The following KSR2 variants were observed in gnomAD, a reference collection of about 807,000 sequenced individuals.
KSR2 encodes kinase suppressor of ras 2.
KSR2 carries 25 observed loss-of-function variants against 107.8 expected under a neutral mutation model. The observed-to-expected ratio is 0.23, with a 90% CI of 0.17 to 0.32. The LOEUF is 0.32. Ranked by LOEUF, KSR2 falls within the 10% of genes least tolerant of loss-of-function variation. The pLI, the probability that KSR2 is intolerant of heterozygous loss-of-function variation, is 1.00. For synonymous variants in KSR2, 480 were observed against 507.0 expected, an observed-to-expected ratio of 0.95 and a Z score of 0.71; for missense variants, 887 against 1,268.9, an observed-to-expected ratio of 0.70 and a Z score of 4.57.
At chr12:117,619,476 C>T (rs553387571) in intron 5 of KSR2, among the ~76,000 whole-genome samples, 63 of 151,754 alleles carry the variant, frequency 4.2e-4, no homozygotes, top group African/African-American at 1.5e-3. Context: ...GTTATTTGTC[C>T]TTGCGATAGT....
chr12:117,936,878 G>A lies in KSR2; in HGVS notation c.180+31198C>T, dbSNP rs2137519480. Among the ~76,000 whole-genome samples, 3 of 152,264 alleles carry A rather than the reference G, an allele frequency of 2.0e-5. No homozygotes were observed. In the South Asian group the frequency reaches 6.2e-4, roughly 32 times the overall value. On this transcript the variant is annotated intron_variant, in intron 1 of 19. Coordinates refer to ENST00000339824, the MANE Select transcript of KSR2 (RefSeq NM_173598.6). ...GGAAACCATAAGCTGGGATGAAGCT[G>A]ACCCAGGAAAAAGGAAACAGGTCTG...
At chr12:117,829,666 G>C (rs1344860304) in intron 3 of KSR2, among the ~76,000 whole-genome samples, 3 of 152,156 alleles carry the variant, frequency 2.0e-5, no homozygotes, top group Non-Finnish European at 2.9e-5. Context: ...TAAAGGACTG[G>C]ACAGTAAAGA....
At chr12:117,894,815 G>GT (rs1894459834) in intron 1 of KSR2, among the ~76,000 whole-genome samples, 1 of 149,902 alleles carries the variant, frequency 6.7e-6, no homozygotes, top group Non-Finnish European at 1.5e-5. Context: ...CGCCATGATT[G>GT]TAAGTTTCCT....
At chr12:117,552,295 G>T (rs1877366581) in intron 9 of KSR2, among the ~76,000 whole-genome samples, 2 of 152,198 alleles carry the variant, frequency 1.3e-5, no homozygotes, top group Non-Finnish European at 2.9e-5. Flanking sequence ...AACTGTCTGA[G>T]GTTAGTGTTC....
chr12:117,857,858 G>T (rs2137234204), intron 2 of KSR2, among the ~76,000 whole-genome samples: 1 of 152,212 alleles, frequency 6.6e-6, no homozygotes, highest in Non-Finnish European at 1.5e-5. Context: ...TCACAGAAAG[G>T]GGACCTCTGG....
chr12:117,604,986 T>C (rs1881147847), intron 5 of KSR2, among the ~76,000 whole-genome samples: 1 of 152,206 alleles, frequency 6.6e-6, no homozygotes, highest in Non-Finnish European at 1.5e-5. Flanking sequence ...TAGCAACTAA[T>C]TCAGGGGAAA....
At chr12:117,679,253 C>T (rs951578011) in intron 4 of KSR2, among the ~76,000 whole-genome samples, 3 of 152,186 alleles carry the variant, frequency 2.0e-5, no homozygotes, top group Non-Finnish European at 2.9e-5. Context: ...GCACCATGCA[C>T]GGAGCGTTTC....
chr12:117,625,251 T>G (rs7307430), intron 5 of KSR2, among the ~76,000 whole-genome samples: 1 of 152,128 alleles, frequency 6.6e-6, no homozygotes, highest in East Asian at 1.9e-4. Flanking sequence ...TGAATAGAAG[T>G]GGTGAGAGAG....
intron 4 of KSR2, among the ~76,000 whole-genome samples, chr12:117,705,188 C>T (rs1284573143): frequency 6.6e-6 from 1 of 152,098 alleles, no homozygotes; most frequent in East Asian, 1.9e-4. Flanking sequence ...TGATAAGATG[C>T]CCACAGCCTA....
chr12:117,769,507 C>T (rs1190124508), intron 3 of KSR2, among the ~76,000 whole-genome samples: 2 of 152,204 alleles, frequency 1.3e-5, no homozygotes, highest in African/African-American at 4.8e-5. Flanking sequence ...CCCTAAAATT[C>T]CTCACTGTGA....
At position 117,907,371 on chromosome 12, in the gene KSR2, C is replaced by A. The variant is rs1353718028; in HGVS notation, c.181-46940G>T. On this transcript the variant is annotated intron_variant, in intron 1 of 19. Coordinates refer to ENST00000339824, the MANE Select transcript of KSR2 (RefSeq NM_173598.6). This position sits in a 1 kb window ranked among gnomAD's most constrained non-coding sequence, Gnocchi z 4.3. ...TTTATAAAGCTCAAGGAAATGAGTC[C>A]TCCATCCTGTGAATCCAGGTGTGCT... 6.6e-6 allele frequency among the ~76,000 whole-genome samples: 1 copy of A among 152,110 alleles called. No individual in the cohort carries two copies. The highest frequency in any genetic ancestry group is 1.5e-5 in the Non-Finnish European group (1 of 68,032).
At chr12:117,794,747 G>A (rs146593289) in intron 3 of KSR2, among the ~76,000 whole-genome samples, 1 of 151,898 alleles carries the variant, frequency 6.6e-6, no homozygotes, top group African/African-American at 2.4e-5. Context: ...ATACCAACAT[G>A]CATACACACA....
At chr12:117,596,540 T>C (rs1017771900) in intron 5 of KSR2, among the ~76,000 whole-genome samples, 5 of 152,192 alleles carry the variant, frequency 3.3e-5, no homozygotes, top group Non-Finnish European at 7.3e-5. Flanking sequence ...TGTCAGGGCC[T>C]TTTCACTATT....
At chr12:117,947,240 A>C (rs867070874) in intron 1 of KSR2, among the ~76,000 whole-genome samples, 1 of 122,478 alleles carries the variant, frequency 8.2e-6, no homozygotes, top group East Asian at 2.4e-4. Flanking sequence ...AAAGAAAGAA[A>C]GAAAGAAAGA....
intron 3 of KSR2, among the ~76,000 whole-genome samples, chr12:117,840,774 G>T (rs1892437810): frequency 6.6e-6 from 1 of 152,046 alleles, no homozygotes; most frequent in Middle Eastern, 3.2e-3. Context: ...AGGCCGAGGT[G>T]GGCGAATCAC....
intron 4 of KSR2, among the ~76,000 whole-genome samples, chr12:117,727,986 T>A (rs1887505246): frequency 6.6e-6 from 1 of 152,102 alleles, no homozygotes; most frequent in Non-Finnish European, 1.5e-5. Context: ...TATGATGGCA[T>A]TTACGTGAAG....
In KSR2 at chr12:117,485,595, C is replaced by T; in HGVS notation, c.2316G>A (p.Lys772=). Residue 772 remains lysine, a splice_region_variant and synonymous_variant, in exon 15 of 20, where the codon AAG becomes AAA. Coordinates refer to ENST00000339824, the MANE Select transcript of KSR2 (RefSeq NM_173598.6). ...TAGGAGGCCCAAGAGCCGACAGTAC[C>T]TTCACAATTTCTTGAGCAATCTGCC... The part of the protein sequence containing the change: ...KTRQIAQEIV[K]GMGYLHAKGI... The T allele has an allele frequency of 1.2e-6, 2 of 1,612,856 alleles. No homozygotes were observed. The highest frequency in any genetic ancestry group is 2.2e-5 in the South Asian group (2 of 91,052).
intron 5 of KSR2, among the ~76,000 whole-genome samples, chr12:117,643,944 A>G (rs756268664): frequency 1.3e-5 from 2 of 152,276 alleles, no homozygotes; most frequent in Non-Finnish European, 2.9e-5. Context: ...TGAATGAATG[A>G]TCCTTGGATG....
chr12:117,575,724 T>A lies in KSR2; in HGVS notation c.1325+3395A>T, dbSNP rs868242877. Among the ~76,000 whole-genome samples the A allele has an allele frequency of 9.9e-4, 151 of 152,322 alleles. 1 individual carries two copies. Among genetic ancestry groups the A allele is most frequent in the African/African-American group, 3.5e-3 (145 of 41,570 alleles). ...ACTCCTGAAGCATGTCAGATCTTCA[T>A]GTTTTGAATTTTTGGTTTTGAATTT... On this transcript the variant is annotated intron_variant, in intron 7 of 19. Coordinates refer to ENST00000339824, the MANE Select transcript of KSR2 (RefSeq NM_173598.6).
Sources: allele counts gnomAD v4.1 joint callset (sites outside exome capture counted in the v4.1 genomes callset), GRCh38; gene constraint gnomAD v4.1.1; non-coding constraint Gnocchi (gnomAD v3.1); transcripts MANE v1.5; gene names NCBI Gene and HGNC (gene_info 2026-07-23, HGNC 2026-07-21).